The following RUFY3 variants were observed in gnomAD, a reference collection of about 807,000 sequenced individuals.
RUFY3 encodes the protein RUN and FYVE domain containing 3, also known as protein RUFY3.
A neutral mutation model predicts 84.0 loss-of-function variants in RUFY3; 34 were observed. The observed-to-expected ratio is 0.40, with a 90% CI of 0.31 to 0.54. The LOEUF is 0.54. RUFY3 is among the 20% of genes least tolerant of loss of function. The pLI, the probability that RUFY3 is intolerant of heterozygous loss-of-function variation, is 0.39. For missense variants in RUFY3, 507 were observed against 736.8 expected, an observed-to-expected ratio of 0.69 and a Z score of 3.61; for synonymous variants, 242 against 252.9, an observed-to-expected ratio of 0.96 and a Z score of 0.41.
At chr4:70,774,585 G>T (rs367854385) in intron 6 of RUFY3, among the ~76,000 whole-genome samples, 1 of 116,700 alleles carries the variant, frequency 8.6e-6, no homozygotes, top group Admixed American at 1.1e-4. Flanking sequence ...ATTGCACTCC[G>T]GCCTGGGTGA....
chr4:70,806,601 G>A lies in RUFY3; in HGVS notation c.1805G>A (p.Arg602Gln), dbSNP rs114009356. 920 of 1,614,126 alleles carry A rather than the reference G, an allele frequency of 5.7e-4. 6 individuals are homozygous for A. In the African/African-American group the frequency reaches 0.01, roughly 18 times the overall value. The change falls in exon 18 of 18, where the codon CGA becomes CAA. Residue 602 changes from arginine to glutamine, a missense_variant. Physicochemically the swap from Arg to Gln is conservative, Grantham distance 43 (BLOSUM62 1). Coordinates refer to ENST00000381006, the MANE Select transcript of RUFY3 (RefSeq NM_001037442.4). ...CTTCCTTCAAGTATCAAGCTTGAGC[G>A]AGTTTGCAATCCCTGTCACAAGCAT... is the stretch of plus-strand genomic sequence containing the variant. Reference protein sequence around the residue: ...LPLPSSIKLERVCNPCHKHLM... With the variant: ...LPLPSSIKLEQVCNPCHKHLM...
At chr4:70,708,760 G>T (rs1398825671) in intron 1 of RUFY3, among the ~76,000 whole-genome samples, 6 of 152,160 alleles carry the variant, frequency 3.9e-5, no homozygotes, top group Admixed American at 3.3e-4. Context: ...GCAAAAATGT[G>T]TGAGACTGGA....
chr4:70,723,044 A>G (rs1414823412), intron 1 of RUFY3, among the ~76,000 whole-genome samples: 1 of 152,182 alleles, frequency 6.6e-6, no homozygotes, highest in East Asian at 1.9e-4. Flanking sequence ...ATCTGATTCT[A>G]TTCAATAATG....
At chr4:70,798,888 C>T (rs968837585) in intron 14 of RUFY3, among the ~76,000 whole-genome samples, 3 of 152,000 alleles carry the variant, frequency 2.0e-5, no homozygotes, top group South Asian at 2.1e-4. Context: ...TGGTGGCTTA[C>T]GCCTGTAATC....
chr4:70,726,218 T>G (rs1444943183), intron 1 of RUFY3, among the ~76,000 whole-genome samples: 1 of 152,092 alleles, frequency 6.6e-6, no homozygotes, highest in Non-Finnish European at 1.5e-5. Context: ...GGCTGGAGAA[T>G]GAACATAAGG....
intron 1 of RUFY3, among the ~76,000 whole-genome samples, chr4:70,760,279 A>G (rs922773715): frequency 6.6e-6 from 1 of 152,236 alleles, no homozygotes; most frequent in Non-Finnish European, 1.5e-5. Context: ...AAATGTCTCA[A>G]TATGATATTT....
In RUFY3 at chr4:70,740,055, A is replaced by G. The variant is rs542681699; in HGVS notation, c.178+17304A>G. ...GTTTCAGGTCTAAGAATGAAAAAAA[A>G]TCAATAGACTAATTATGTAGCTCTG... On this transcript the variant is annotated intron_variant, in intron 1 of 17. Coordinates refer to ENST00000381006, the MANE Select transcript of RUFY3 (RefSeq NM_001037442.4). Among the ~76,000 whole-genome samples, 87 of 152,172 alleles carry G rather than the reference A, an allele frequency of 5.7e-4. 2 individuals carry two copies. The highest frequency in any genetic ancestry group is 1.7e-3 in the African/African-American group (69 of 41,528).
chr4:70,774,644 A>AAATATAT (rs1553916771), intron 6 of RUFY3, among the ~76,000 whole-genome samples: 4 of 56,680 alleles, frequency 7.1e-5, no homozygotes, highest in African/African-American at 1.7e-4. Context: ...AAAAAAAAAA[A>AAATATAT]ATATATATAT....
chr4:70,791,332 T>C, intron 12 of RUFY3: 3 of 1,610,070 alleles, frequency 1.9e-6, no homozygotes, highest in South Asian at 2.2e-5. Flanking sequence ...AAGTCCGATA[T>C]CACAACTTAA....
chr4:70,795,381 G>C (rs1731374902), intron 14 of RUFY3, among the ~76,000 whole-genome samples: 1 of 152,114 alleles, frequency 6.6e-6, no homozygotes, highest in Non-Finnish European at 1.5e-5. Flanking sequence ...AGGGAATTAG[G>C]CTTGAGGAAA....
chr4:70,797,699 C>T (rs1004124899), intron 14 of RUFY3, among the ~76,000 whole-genome samples: 4 of 151,808 alleles, frequency 2.6e-5, no homozygotes, highest in East Asian at 3.9e-4. Context: ...AAAAATAAGC[C>T]GGGCATGGTG....
In RUFY3 at chr4:70,710,480, G is replaced by A. The variant is rs569839483; in HGVS notation, c.358+5186G>A. Among the ~76,000 whole-genome samples the A allele has an allele frequency of 8.6e-5, 13 of 151,998 alleles. No homozygotes were observed. In the East Asian group the frequency reaches 2.3e-3, roughly 27 times the overall value. On this transcript the variant is annotated intron_variant, in intron 1 of 11. Transcript: ENST00000417478. ...GAGGTCGGGAGTTCGAGACCAACCT[G>A]ACCAACATGGAGAAACCCTGTCTCT...
In RUFY3 at chr4:70,789,739, T is replaced by TA. The variant is rs538145508; in HGVS notation, c.1337+148dup. 956 of 1,338,984 alleles carry TA rather than the reference T, an allele frequency of 7.1e-4. 6 individuals are homozygous for TA. The African/African-American group carries it at 0.013, about 18-fold the overall frequency. 82.9% of individuals were successfully genotyped at this position (1,338,984 alleles called of 1,614,324 possible). A position where few individuals can be genotyped will look rare whatever the true frequency, so the allele number is the denominator to read the frequency against. ...TGGTAGAAAAAAGCCAGTTGAATGT[T>TA]ATGTGTGTTTTCTAAGGTATGACTG... On this transcript the variant is annotated intron_variant, in intron 12 of 17. Transcript: ENST00000381006.
Position 70,807,226 on chromosome 4 carries a change from A to G in RUFY3, c.*567A>G, listed in dbSNP as rs530181486. On this transcript the variant is annotated 3_prime_UTR_variant, in exon 18 of 18. Transcript: ENST00000381006. Reference sequence around the variant, plus strand: ...AATTAAAAAGTAATATAAATTCTGCATATATTAAAAACAATATTGTAATAT... The same window carrying G: ...AATTAAAAAGTAATATAAATTCTGCGTATATTAAAAACAATATTGTAATAT... 1 of 152,372 alleles carries G rather than the reference A, an allele frequency of 6.6e-6. No homozygotes were observed. Among genetic ancestry groups the G allele is most frequent in the African/African-American group, 2.4e-5 (1 of 41,584 alleles). The allele number at this position is 152,372 out of a possible 1,614,324, so 9.4% of individuals were successfully genotyped here.
intron 14 of RUFY3, among the ~76,000 whole-genome samples, chr4:70,797,509 A>AT (rs969519546): frequency 2.0e-5 from 3 of 152,184 alleles, no homozygotes; most frequent in African/African-American, 7.2e-5. Flanking sequence ...GTATGTGGAA[A>AT]TTTATTAAAT....
intron 1 of RUFY3, among the ~76,000 whole-genome samples, chr4:70,712,060 T>C (rs1405916031): frequency 6.6e-6 from 1 of 152,232 alleles, no homozygotes; most frequent in Non-Finnish European, 1.5e-5. Context: ...CTGATAATCA[T>C]AGACTCATTC....
chr4:70,722,504 T>G lies in RUFY3; in HGVS notation c.-70T>G. On this transcript the variant is annotated 5_prime_UTR_variant, in exon 1 of 18. It adds an upstream start codon to the 5' untranslated region. Transcript: ENST00000381006. Reference sequence around the variant, plus strand: ...GGTTTTTTTGGTGAGGAGGTTGTATTTATTTTTTTGGTGTGTGTGTGTGAG... The same window carrying G: ...GGTTTTTTTGGTGAGGAGGTTGTATGTATTTTTTTGGTGTGTGTGTGTGAG... 6.8e-7 allele frequency: 1 copy of G among 1,465,280 alleles called. No homozygotes were observed. Among genetic ancestry groups the G allele is most frequent in the Non-Finnish European group, 9.1e-7 (1 of 1,095,760 alleles). The allele number at this position is 1,465,280 out of a possible 1,614,324, so 90.8% of individuals were successfully genotyped here.
rs751460884 is a variant in RUFY3, at chr4:70,804,417, G to A, written c.1719+1G>A. Reference sequence around the variant, plus strand: ...CCAGGAAGACGGCAGCCTAACAAAGGTAACTGTGATGAGAAACGGACAGGC... The same window carrying A: ...CCAGGAAGACGGCAGCCTAACAAAGATAACTGTGATGAGAAACGGACAGGC... On this transcript the variant is annotated splice_donor_variant, in intron 17 of 17. Transcript: ENST00000381006. LOFTEE classifies it high-confidence loss of function. 6.2e-7 allele frequency: 1 copy of A among 1,613,456 alleles called. No homozygotes were observed. The highest frequency in any genetic ancestry group is 2.2e-5 in the East Asian group (1 of 44,860).
intron 1 of RUFY3, among the ~76,000 whole-genome samples, chr4:70,725,075 C>T (rs963018848): frequency 6.6e-6 from 1 of 152,222 alleles, no homozygotes; most frequent in Non-Finnish European, 1.5e-5. Context: ...AGAAAATAGG[C>T]AAACAGCATA....
Sources: gnomAD v4.1 joint callset for allele counts (sites outside exome capture counted in the v4.1 genomes callset) on GRCh38, gnomAD v4.1.1 for gene constraint, MANE v1.5 for transcripts, NCBI Gene and HGNC (gene_info 2026-07-23, HGNC 2026-07-21) for gene names.